Variants in LRPPRC observed in about 807,000 individuals in gnomAD.
LRPPRC encodes leucine-rich PPR motif-containing protein, mitochondrial.
In LRPPRC, 120 loss-of-function variants were observed where a neutral mutation model predicts 180.3. The observed-to-expected ratio is 0.67, with a 90% confidence interval of 0.57 to 0.77. The LOEUF (loss-of-function observed/expected upper bound fraction) is 0.77, where lower values mean the gene tolerates loss of function less well. Among genes scored for constraint, LRPPRC ranks in the 30% least tolerant of loss-of-function variants. The pLI is 0.00. For synonymous variants in LRPPRC, 723 were observed against 600.0 expected, an observed-to-expected ratio of 1.21 and a Z score of -3.00; for missense variants, 2,012 against 1,657.2, an observed-to-expected ratio of 1.21 and a Z score of -3.72.
Position 43,974,190 on chromosome 2 carries a change from A to G in LRPPRC, c.1115T>C (p.Phe372Ser), listed in dbSNP as rs750418542. 1.9e-5 allele frequency: 30 copies of G among 1,613,686 alleles called. No individual in the cohort carries two copies. The highest frequency in any genetic ancestry group is 1.5e-4 in the Admixed American group (9 of 60,002). Residue 372 changes from phenylalanine (F) to serine (S), a missense_variant, in exon 9 of 38, where the codon TTT becomes TCT. Physicochemically the swap from Phe to Ser is radical, Grantham distance 155 (BLOSUM62 -2). Transcript: ENST00000260665. ...ACAGTGTTGTAAAAAGAAACTGCCA[A>G]AGACACTTGGGCCATCTTCCTTTGA... ...PVSKEDGPSV[F>S]GSFFLQHCVT...
At chr2:43,969,056 A>G (rs11691326) in intron 11 of LRPPRC, among the ~76,000 whole-genome samples, 61,767 of 152,094 alleles carry the variant, frequency 0.41, 13,375 homozygotes, top group Non-Finnish European at 0.49. Context: ...AAGAAAGTCA[A>G]TGAATCTTCT....
intron 29 of LRPPRC, among the ~76,000 whole-genome samples, chr2:43,915,363 T>C (rs745849247): frequency 6.6e-6 from 1 of 151,774 alleles, no homozygotes; most frequent in Non-Finnish European, 1.5e-5. Flanking sequence ...CTCAAAGATA[T>C]ATAGACTGAA....
intron 34 of LRPPRC, among the ~76,000 whole-genome samples, chr2:43,898,915 A>C (rs906631825): frequency 6.6e-6 from 1 of 152,194 alleles, no homozygotes; most frequent in Non-Finnish European, 1.5e-5. Flanking sequence ...TCTGCACAGA[A>C]AGATTTGTCT....
At chr2:43,935,133 G>A (rs1672231082) in intron 23 of LRPPRC, among the ~76,000 whole-genome samples, 1 of 152,054 alleles carries the variant, frequency 6.6e-6, no homozygotes, top group African/African-American at 2.4e-5. Context: ...GTGTTAAAGG[G>A]TACTTTATAA....
At chr2:43,983,043 A>C (rs956998229) in intron 1 of LRPPRC, among the ~76,000 whole-genome samples, 3 of 152,172 alleles carry the variant, frequency 2.0e-5, no homozygotes, top group Non-Finnish European at 4.4e-5. Context: ...TGCAACTGTC[A>C]AAATGTTAGC....
At chr2:43,937,422 T>G (rs1672316085) in intron 23 of LRPPRC, among the ~76,000 whole-genome samples, 1 of 152,176 alleles carries the variant, frequency 6.6e-6, no homozygotes, top group Admixed American at 6.5e-5. Flanking sequence ...GATCATGTCA[T>G]TTTAAAAGAC....
intron 6 of LRPPRC, 144 bp downstream of exon 6, chr2:43,975,999 G>C (rs1674037989): frequency 1.6e-6 from 1 of 611,416 alleles, no homozygotes; most frequent in African/African-American, 1.9e-5. Context: ...TTTTTGAAGG[G>C]ATAGACAAAT....
intron 29 of LRPPRC, among the ~76,000 whole-genome samples, chr2:43,917,577 C>T (rs35400264): frequency 0.071 from 10,823 of 151,932 alleles, 956 homozygotes; most frequent in East Asian, 0.48. Context: ...ATCACGAGGT[C>T]AGGAGATCGA....
intron 14 of LRPPRC, among the ~76,000 whole-genome samples, chr2:43,956,402 T>A (rs745850399): frequency 1.1e-4 from 16 of 152,064 alleles, no homozygotes; most frequent in Non-Finnish European, 2.2e-4. Flanking sequence ...ATGACTTTAT[T>A]CTTAAGAGAA....
rs559650770 is a variant in LRPPRC, at chr2:43,962,575, T to C, written c.1488+1013A>G. 2.6e-5 allele frequency among the ~76,000 whole-genome samples: 4 copies of C among 152,350 alleles called. No individual in the cohort carries two copies. The South Asian group carries it at 8.3e-4, about 32-fold the overall frequency. ...TAATTCATATATTCAGCGCTAAGCA[T>C]GCTGTTTTGAAAGTGGAAAACGCAA... On this transcript the variant is annotated intron_variant, in intron 12 of 37. Coordinates refer to ENST00000260665, the MANE Select transcript of LRPPRC (RefSeq NM_133259.4).
chr2:43,955,300 T>G (rs892844371), intron 14 of LRPPRC, among the ~76,000 whole-genome samples: 5 of 151,560 alleles, frequency 3.3e-5, no homozygotes, highest in African/African-American at 4.8e-5. Context: ...AGACTCCATC[T>G]CCACAAAAAA....
intron 11 of LRPPRC, among the ~76,000 whole-genome samples, chr2:43,970,916 T>A (rs1265140179): frequency 6.6e-6 from 1 of 152,132 alleles, no homozygotes; most frequent in Non-Finnish European, 1.5e-5. Flanking sequence ...CTGGCCAACA[T>A]GGTGAAACCC....
At chr2:43,931,854 A>G (rs1490217501) in intron 25 of LRPPRC, among the ~76,000 whole-genome samples, 1 of 152,022 alleles carries the variant, frequency 6.6e-6, no homozygotes, top group Non-Finnish European at 1.5e-5. Flanking sequence ...GATTGATAGC[A>G]TTTGCATGGC....
At chr2:43,915,220 TCTCTCTCTCTCTCA>T (rs1363077484) in intron 29 of LRPPRC, among the ~76,000 whole-genome samples, 39 of 105,022 alleles carry the variant, frequency 3.7e-4, no homozygotes, top group African/African-American at 1.5e-3. Context: ...TCTCTCTCTC[TCTCTCTCTCTCTCA>T]CACACACACA....
chr2:43,935,774 T>C (rs117737954), intron 23 of LRPPRC, among the ~76,000 whole-genome samples: 1 of 151,920 alleles, frequency 6.6e-6, no homozygotes, highest in East Asian at 2.0e-4. Flanking sequence ...ACAGGTAATA[T>C]AAAAAAAATA....
intron 34 of LRPPRC, among the ~76,000 whole-genome samples, chr2:43,897,869 G>T (rs1670740298): frequency 6.6e-6 from 1 of 152,128 alleles, no homozygotes; most frequent in Non-Finnish European, 1.5e-5. Context: ...TCAAAAGGAT[G>T]TGTTAAAACT....
intron 13 of LRPPRC, among the ~76,000 whole-genome samples, chr2:43,959,579 G>C (rs1395061548): frequency 6.6e-6 from 1 of 152,078 alleles, no homozygotes; most frequent in Non-Finnish European, 1.5e-5. Context: ...TAAAAAATAA[G>C]GTCTCTTAAG....
chr2:43,945,448 T>G, intron 21 of LRPPRC, 31 bp from the exon 22 acceptor site: 2 of 1,261,646 alleles, frequency 1.6e-6, no homozygotes, highest in Non-Finnish European at 2.3e-6. Flanking sequence ...TATATTGTTT[T>G]AAAAGTCAAT....
intron 25 of LRPPRC, among the ~76,000 whole-genome samples, chr2:43,929,311 T>G (rs1053370435): frequency 1.3e-5 from 2 of 152,236 alleles, no homozygotes; most frequent in Admixed American, 6.5e-5. Flanking sequence ...GTAGGGAATT[T>G]TATGTACTTC....
Sources: allele counts gnomAD v4.1 joint callset (sites outside exome capture counted in the v4.1 genomes callset), GRCh38; gene constraint gnomAD v4.1.1; transcripts MANE v1.5; gene names NCBI Gene and HGNC (gene_info 2026-07-23, HGNC 2026-07-21).